Variants in LAMC1 observed in about 807,000 individuals in gnomAD.
LAMC1 encodes laminin subunit gamma 1.
A neutral mutation model predicts 173.6 loss-of-function variants in LAMC1; 38 were observed. That is an observed-to-expected ratio of 0.22 (90% CI 0.17 to 0.29). The LOEUF (loss-of-function observed/expected upper bound fraction) is 0.29. LAMC1 is among the 10% of genes least tolerant of loss of function. LAMC1 has a pLI of 1.00. For missense variants in LAMC1, 1,824 were observed against 2,051.8 expected (o/e 0.89, Z 2.14); for synonymous variants, 746 against 749.1 (o/e 1.00, Z 0.07).
intron 1 of LAMC1, among the ~76,000 whole-genome samples, chr1:183,085,893 C>T (rs1380511805): frequency 2.6e-5 from 4 of 152,160 alleles, no homozygotes; most frequent in Admixed American, 6.5e-5. Flanking sequence ...TTCTCCTTCT[C>T]ATATACCTTT....
intron 1 of LAMC1, among the ~76,000 whole-genome samples, chr1:183,031,600 G>C (rs984495747): frequency 2.0e-5 from 3 of 152,104 alleles, no homozygotes; most frequent in Admixed American, 1.3e-4. Context: ...CACCACACCC[G>C]GCCCTGCTTC....
intron 3 of LAMC1, 78 bp downstream of exon 3, chr1:183,108,484 T>G: frequency 8.0e-7 from 1 of 1,249,442 alleles, no homozygotes; most frequent in Non-Finnish European, 1.1e-6. Context: ...TGTTTACAAC[T>G]ATGTTAATAC....
intron 1 of LAMC1, among the ~76,000 whole-genome samples, chr1:183,056,542 C>T (rs548219803): frequency 2.0e-4 from 31 of 152,266 alleles, no homozygotes; most frequent in South Asian, 1.0e-3. Context: ...CCCATCCCCC[C>T]GTTCACCAAT....
At chr1:183,077,728 G>C (rs972036542) in intron 1 of LAMC1, among the ~76,000 whole-genome samples, 1 of 141,640 alleles carries the variant, frequency 7.1e-6, no homozygotes, top group Non-Finnish European at 1.5e-5. Context: ...TGCAAATGCC[G>C]TTAATTCATT....
intron 1 of LAMC1, among the ~76,000 whole-genome samples, chr1:183,094,343 G>A (rs1655640685): frequency 6.6e-6 from 1 of 152,170 alleles, no homozygotes; most frequent in Non-Finnish European, 1.5e-5. Flanking sequence ...TGATAATGCT[G>A]AATTAAATAG....
intron 17 of LAMC1, 41 bp downstream of exon 17, chr1:183,127,445 C>T (rs776803050): frequency 1.6e-5 from 25 of 1,574,694 alleles, no homozygotes; most frequent in Middle Eastern, 1.7e-4. Context: ...ATCCAGCAGA[C>T]GTTGAGTGGC....
chr1:183,039,337 C>T (rs1654066681), intron 1 of LAMC1, among the ~76,000 whole-genome samples: 2 of 152,192 alleles, frequency 1.3e-5, no homozygotes, highest in East Asian at 3.9e-4. Context: ...GTGATTGCCC[C>T]TTCTTGGGTA....
intron 1 of LAMC1, among the ~76,000 whole-genome samples, chr1:183,086,743 G>A (rs1019192212): frequency 1.3e-5 from 2 of 152,138 alleles, no homozygotes; most frequent in African/African-American, 4.8e-5. Flanking sequence ...CAGAATATTG[G>A]CAAAAGCATT....
chr1:183,111,261 G>A (rs937176081), intron 4 of LAMC1, among the ~76,000 whole-genome samples: 2 of 151,744 alleles, frequency 1.3e-5, no homozygotes, highest in African/African-American at 4.8e-5. Context: ...TAACTTTTGT[G>A]TTTTTAGTAG....
intron 4 of LAMC1, among the ~76,000 whole-genome samples, chr1:183,113,909 C>T (rs1656239302): frequency 6.6e-6 from 1 of 152,204 alleles, no homozygotes; most frequent in Admixed American, 6.5e-5. Context: ...TTGACTTTTA[C>T]TTGTATATGA....
In LAMC1 at chr1:183,144,630, C is replaced by A. The variant is rs994703358; in HGVS notation, c.*1840C>A. On this transcript the variant is annotated 3_prime_UTR_variant, in exon 28 of 28. Coordinates refer to ENST00000258341, the MANE Select transcript of LAMC1 (RefSeq NM_002293.4). ...TTTACAATGTTCCAGAGCAGGAACG[C>A]CAGGTTGACAAGCTATGGTAGGATT... The A allele has an allele frequency of 6.6e-6, 1 of 152,156 alleles. No individual in the cohort carries two copies. Among genetic ancestry groups the A allele is most frequent in the African/African-American group, 2.4e-5 (1 of 41,406 alleles). The allele number at this position is 152,156 out of a possible 1,614,324, so 9.4% of individuals were successfully genotyped here.
intron 1 of LAMC1, among the ~76,000 whole-genome samples, chr1:183,092,849 T>C (rs1314421426): frequency 6.6e-6 from 1 of 152,156 alleles, no homozygotes; most frequent in Non-Finnish European, 1.5e-5. Flanking sequence ...AAAGTCCTCA[T>C]TGTTCAGTAG....
At chr1:183,054,147 G>C (rs1654517161) in intron 1 of LAMC1, among the ~76,000 whole-genome samples, 1 of 152,134 alleles carries the variant, frequency 6.6e-6, no homozygotes, top group African/African-American at 2.4e-5. Flanking sequence ...GCATTTGTAA[G>C]GCTAGCATCA....
intron 1 of LAMC1, among the ~76,000 whole-genome samples, chr1:183,057,311 A>C (rs1365653608): frequency 6.6e-6 from 1 of 152,094 alleles, no homozygotes; most frequent in African/African-American, 2.4e-5. Flanking sequence ...GTGGTGAGGG[A>C]CTTTATTTGG....
intron 1 of LAMC1, among the ~76,000 whole-genome samples, chr1:183,025,793 T>G (rs1341005900): frequency 3.3e-5 from 5 of 152,252 alleles, no homozygotes; most frequent in Non-Finnish European, 7.3e-5. Flanking sequence ...CTCAGATGCC[T>G]GAAATTCAAT....
intron 1 of LAMC1, among the ~76,000 whole-genome samples, chr1:183,078,934 G>A (rs1255695059): frequency 1.3e-5 from 2 of 152,102 alleles, no homozygotes; most frequent in African/African-American, 2.4e-5. Flanking sequence ...GGCAGAGTTT[G>A]TGGTGAGCCA....
At chr1:183,129,323 C>T (rs1182336558) in intron 18 of LAMC1, among the ~76,000 whole-genome samples, 1 of 151,932 alleles carries the variant, frequency 6.6e-6, no homozygotes, top group Admixed American at 6.6e-5. Flanking sequence ...CTCCTGACCT[C>T]GTGATTTGCC....
At chr1:183,081,373 G>A (rs542145213) in intron 1 of LAMC1, among the ~76,000 whole-genome samples, 2 of 151,380 alleles carry the variant, frequency 1.3e-5, no homozygotes, top group African/African-American at 2.4e-5. Flanking sequence ...TGAGGCAGAC[G>A]GATCACTTGA....
At chr1:183,039,283 T>A (rs1654064525) in intron 1 of LAMC1, among the ~76,000 whole-genome samples, 2 of 142,162 alleles carry the variant, frequency 1.4e-5, no homozygotes, top group South Asian at 5.2e-4. Flanking sequence ...GGGGGAGGGT[T>A]AGAAACCAAA....
Sources: allele counts gnomAD v4.1 joint callset (sites outside exome capture counted in the v4.1 genomes callset), GRCh38; gene constraint gnomAD v4.1.1; transcripts MANE v1.5; gene names NCBI Gene and HGNC (gene_info 2026-07-23, HGNC 2026-07-21).